RFTN1: variants seen among roughly 807,000 people sequenced by gnomAD.
The protein encoded by RFTN1 is raftlin, lipid raft linker 1.
In RFTN1, 26 loss-of-function variants were observed where a neutral mutation model predicts 46.5. That is an observed-to-expected ratio of 0.56 (90% CI 0.41 to 0.78). The LOEUF is 0.78. RFTN1 is among the 30% of genes least tolerant of loss of function. The pLI is 0.00. For synonymous variants in RFTN1, 261 were observed against 284.2 expected (o/e 0.92, Z 0.82); for missense variants, 693 against 718.7 (o/e 0.96, Z 0.41).
At position 16,316,909 on chromosome 3, in the gene RFTN1, A is replaced by G. The variant is rs914755098; in HGVS notation, c.1656T>C (p.Thr552=). ...SHSRALVGIC[T]GHSNPGEDAR... Reference sequence around the variant, plus strand: ...CATCCTCTCCAGGATTGGAGTGCCCAGTGCAAATCCCCACCAGGGCCCTGC... The same window carrying G: ...CATCCTCTCCAGGATTGGAGTGCCCGGTGCAAATCCCCACCAGGGCCCTGC... Residue 552 remains threonine (T), a synonymous_variant, in exon 10 of 10, where the codon ACT becomes ACC. Coordinates refer to ENST00000334133, the MANE Select transcript of RFTN1 (RefSeq NM_015150.2). The surrounding 1 kb of genome is among the most constrained non-coding windows in gnomAD (Gnocchi z 4.5). 6 of 1,614,150 alleles carry G rather than the reference A, an allele frequency of 3.7e-6. No individual in the cohort carries two copies. The highest frequency in any genetic ancestry group is 3.3e-4 in the Middle Eastern group (2 of 6,062).
intron 5 of RFTN1, among the ~76,000 whole-genome samples, chr3:16,371,119 TAA>T (rs1378628239): frequency 6.6e-6 from 1 of 152,246 alleles, no homozygotes; most frequent in East Asian, 1.9e-4. Flanking sequence ...TGACCCAGCT[TAA>T]AAAGTCTTGC....
At position 16,500,713 on chromosome 3, in the gene RFTN1, G is replaced by A. The variant is rs545652548; in HGVS notation, c.-8-6836C>T. ...TAAGTGGGATGTCTCTTTGGTAAGC[G>A]GTGGATCAGCTTCTTACAGGAGCTA... On this transcript the variant is annotated intron_variant, in intron 1 of 9. Coordinates refer to ENST00000334133, the MANE Select transcript of RFTN1 (RefSeq NM_015150.2). This position sits in a 1 kb window ranked among gnomAD's most constrained non-coding sequence, Gnocchi z 5.9. 3.9e-5 allele frequency among the ~76,000 whole-genome samples: 6 copies of A among 152,266 alleles called. No homozygotes were observed. The highest frequency in any genetic ancestry group is 1.9e-4 in the East Asian group (1 of 5,180).
intron 6 of RFTN1, among the ~76,000 whole-genome samples, chr3:16,364,083 G>A (rs1014650242): frequency 7.9e-5 from 12 of 152,172 alleles, no homozygotes; most frequent in East Asian, 3.8e-4. Flanking sequence ...GCTCTGGGCC[G>A]GCCTGCCTTC....
chr3:16,394,253 C>T (rs1237937979), intron 4 of RFTN1, among the ~76,000 whole-genome samples: 2 of 152,080 alleles, frequency 1.3e-5, no homozygotes, highest in Non-Finnish European at 2.9e-5. Context: ...GGTGCACACC[C>T]GTAATCCTAG....
intron 2 of RFTN1, among the ~76,000 whole-genome samples, chr3:16,435,714 T>C (rs575843386): frequency 6.6e-4 from 100 of 152,252 alleles, no homozygotes; most frequent in Non-Finnish European, 1.0e-3. Flanking sequence ...TTACAAGTAA[T>C]CTTTTAGTGA....
chr3:16,370,319 A>G lies in RFTN1; in HGVS notation c.827-40T>C, dbSNP rs2073444183. The G allele has an allele frequency of 3.8e-6, 6 of 1,586,112 alleles. No homozygotes were observed. In the East Asian group the frequency reaches 1.3e-4, roughly 36 times the overall value. On this transcript the variant is annotated intron_variant, in intron 5 of 9. Transcript: ENST00000334133. This position sits in a 1 kb window ranked among gnomAD's most constrained non-coding sequence, Gnocchi z 5.5. ...AAAGGGAGTGGAGAGAGAAGAGGTCAACTGATGATAAAAATCTGTTTCATC... is the reference window on the plus strand; with the variant it reads ...AAAGGGAGTGGAGAGAGAAGAGGTCGACTGATGATAAAAATCTGTTTCATC...
chr3:16,465,767 T>C lies in RFTN1; in HGVS notation c.145+27958A>G, dbSNP rs371297293. ...CTTGTGCAGAAGGCTGAGCAGGGGA[T>C]GTCCACATCTTGCCAACCCTGGAGC... On this transcript the variant is annotated intron_variant, in intron 2 of 9. Coordinates refer to ENST00000334133, the MANE Select transcript of RFTN1 (RefSeq NM_015150.2). The surrounding 1 kb of genome is among the most constrained non-coding windows in gnomAD (Gnocchi z 5.1). Among the ~76,000 whole-genome samples the C allele has an allele frequency of 4.6e-5, 7 of 152,308 alleles. No homozygotes were observed. In the East Asian group the frequency reaches 9.6e-4, roughly 21 times the overall value.
intron 3 of RFTN1, among the ~76,000 whole-genome samples, chr3:16,430,104 G>GGT (rs1447258418): frequency 5.2e-4 from 67 of 129,940 alleles, no homozygotes; most frequent in African/African-American, 1.4e-3. Context: ...GAAAAAGTCC[G>GGT]TTTTTTTTTT....
rs2076143244 is a variant in RFTN1, at chr3:16,468,650, AAC to A, written c.145+25073_145+25074del. On this transcript the variant is annotated intron_variant, in intron 2 of 9. Transcript: ENST00000334133. This position sits in a 1 kb window ranked among gnomAD's most constrained non-coding sequence, Gnocchi z 4.4. ...TTTGAGTAAAAAAAAAAAAAAAAAA[AAC>A]TTTACTCAGAAAAAAGATAAGGCTA... Among the ~76,000 whole-genome samples the A allele has an allele frequency of 6.6e-6, 1 of 151,894 alleles. No homozygotes were observed. The highest frequency in any genetic ancestry group is 1.5e-5 in the Non-Finnish European group (1 of 67,974).
In RFTN1 at chr3:16,462,982, T is replaced by C. The variant is rs2076033237; in HGVS notation, c.146-28945A>G. 2.6e-5 allele frequency among the ~76,000 whole-genome samples: 4 copies of C among 152,222 alleles called. No individual in the cohort carries two copies. In the South Asian group the frequency reaches 8.3e-4, roughly 32 times the overall value. ...TGAGCAAAGAGGTTTGGTTGAAGGA[T>C]ACACAAGGGTTCGGGGAAGGAAACA... On this transcript the variant is annotated intron_variant, in intron 2 of 9. Transcript: ENST00000334133.
rs770040980 is a variant in RFTN1 at position 16,374,505 on chromosome 3, G to A, written c.826+3213C>T. 5.3e-5 allele frequency among the ~76,000 whole-genome samples: 8 copies of A among 152,190 alleles called. No individual in the cohort carries two copies. The highest frequency in any genetic ancestry group is 1.2e-4 in the Non-Finnish European group (8 of 68,028). ...CCCAGGTTTTGGCCATTCACAATGA[G>A]CTGGCAGCCAGGGAGGGCTACTGAA... On this transcript the variant is annotated intron_variant, in intron 5 of 9. Coordinates refer to ENST00000334133, the MANE Select transcript of RFTN1 (RefSeq NM_015150.2). This position sits in a 1 kb window ranked among gnomAD's most constrained non-coding sequence, Gnocchi z 5.4.
intron 3 of RFTN1, among the ~76,000 whole-genome samples, chr3:16,431,518 C>T (rs2075387670): frequency 6.6e-6 from 1 of 151,700 alleles, no homozygotes; most frequent in East Asian, 1.9e-4. Context: ...AAAAAAGATA[C>T]ACCTTCACTT....
rs2076452716 is a variant in RFTN1, at chr3:16,486,696, C to T, written c.145+7029G>A. ...CCTGGGCTACCACCATCCCATCAGTCTCCATTACTCTAGCATCAAGTACTG... is the reference window on the plus strand; with the variant it reads ...CCTGGGCTACCACCATCCCATCAGTTTCCATTACTCTAGCATCAAGTACTG... On this transcript the variant is annotated intron_variant, in intron 2 of 9. Coordinates refer to ENST00000334133, the MANE Select transcript of RFTN1 (RefSeq NM_015150.2). Among the ~76,000 whole-genome samples the T allele has an allele frequency of 3.3e-5, 5 of 152,364 alleles. No individual in the cohort carries two copies. The South Asian group carries it at 1.0e-3, about 32-fold the overall frequency.
intron 3 of RFTN1, among the ~76,000 whole-genome samples, chr3:16,423,304 G>A (rs556362454): frequency 6.6e-6 from 1 of 152,234 alleles, no homozygotes; most frequent in African/African-American, 2.4e-5. Flanking sequence ...GGGGTTTGCT[G>A]GTAGAATCTT....
chr3:16,324,497 T>G (rs1343027614), intron 8 of RFTN1, among the ~76,000 whole-genome samples: 1 of 152,100 alleles, frequency 6.6e-6, no homozygotes, highest in East Asian at 1.9e-4. Flanking sequence ...TGACTCAACT[T>G]TTTTAGATTC....
At chr3:16,464,649 C>G (rs1342416024) in intron 2 of RFTN1, among the ~76,000 whole-genome samples, 1 of 152,218 alleles carries the variant, frequency 6.6e-6, no homozygotes, top group Non-Finnish European at 1.5e-5. Context: ...AAACTATGGC[C>G]CACAGGCCAA....
chr3:16,408,944 C>T (rs1029261142), intron 4 of RFTN1, among the ~76,000 whole-genome samples: 6 of 152,202 alleles, frequency 3.9e-5, no homozygotes, highest in Non-Finnish European at 7.3e-5. Flanking sequence ...CCTGCAACTA[C>T]GCAGTTTTCC....
rs532562108 is a variant in RFTN1, at chr3:16,371,519, A to G, written c.827-1240T>C. 1.2e-3 allele frequency among the ~76,000 whole-genome samples: 183 copies of G among 152,388 alleles called. 1 individual carries two copies. Among genetic ancestry groups the G allele is most frequent in the Non-Finnish European group, 2.2e-3 (153 of 68,040 alleles). On this transcript the variant is annotated intron_variant, in intron 5 of 9. Transcript: ENST00000334133. ...ACATTAACACCAAATATGTTCATCC[A>G]TCTAACATCTAAAATTATCTCACAT...
At chr3:16,470,402 G>A (rs1385306650) in intron 2 of RFTN1, among the ~76,000 whole-genome samples, 1 of 152,220 alleles carries the variant, frequency 6.6e-6, no homozygotes, top group East Asian at 1.9e-4. Context: ...TTTAGCCCAA[G>A]GGCAGGCCCT....
Sources: allele counts gnomAD v4.1 joint callset (sites outside exome capture counted in the v4.1 genomes callset), GRCh38; gene constraint gnomAD v4.1.1; non-coding constraint Gnocchi (gnomAD v3.1); transcripts MANE v1.5; gene names NCBI Gene and HGNC (gene_info 2026-07-23, HGNC 2026-07-21).